CCDC91: variants seen among roughly 807,000 people sequenced by gnomAD.
CCDC91 encodes the protein coiled-coil domain containing 91.
In CCDC91, 48 loss-of-function variants were observed where a neutral mutation model predicts 63.2. The ratio of observed to expected loss-of-function variants is 0.76; its 90% CI spans 0.60 to 0.97. CCDC91 has a LOEUF of 0.97. CCDC91 is among the 50% of genes least tolerant of loss of function. The probability of loss-of-function intolerance (pLI) is 0.00; values close to 1 mark genes in which losing one functional copy is unlikely to be tolerated. For synonymous variants in CCDC91, 167 were observed against 165.8 expected, an observed-to-expected ratio of 1.01 and a Z score of -0.06; for missense variants, 500 against 494.6, an observed-to-expected ratio of 1.01 and a Z score of -0.10.
At chr12:28,205,347 C>T (rs868822918) in intron 1 of CCDC91, among the ~76,000 whole-genome samples, 5 of 149,090 alleles carry the variant, frequency 3.4e-5, no homozygotes, top group African/African-American at 4.9e-5. Context: ...ATATTAAGTA[C>T]AGAGGTAAAA....
chr12:28,449,746 A>G (rs1344021688), intron 8 of CCDC91, among the ~76,000 whole-genome samples: 1 of 151,988 alleles, frequency 6.6e-6, no homozygotes, highest in Admixed American at 6.5e-5. Flanking sequence ...CAAATAATCT[A>G]TGATGATAGT....
At chr12:28,501,594 C>T (rs1452985336) in intron 12 of CCDC91, among the ~76,000 whole-genome samples, 1 of 150,930 alleles carries the variant, frequency 6.6e-6, no homozygotes, top group Non-Finnish European at 1.5e-5. Flanking sequence ...TGATGTGCTG[C>T]TGGATTCAGT....
intron 8 of CCDC91, among the ~76,000 whole-genome samples, chr12:28,396,086 C>T (rs1257645912): frequency 6.6e-6 from 1 of 152,122 alleles, no homozygotes; most frequent in Admixed American, 6.5e-5. Context: ...TACAAAACTA[C>T]ATTCAAGGGC....
chr12:28,408,227 A>T (rs1420201057), intron 8 of CCDC91, among the ~76,000 whole-genome samples: 1 of 152,110 alleles, frequency 6.6e-6, no homozygotes, highest in Non-Finnish European at 1.5e-5. Flanking sequence ...GGGTGAGAAC[A>T]TGTGGTGTTT....
chr12:28,258,951 T>C (rs903593769), intron 2 of CCDC91, among the ~76,000 whole-genome samples: 1 of 152,074 alleles, frequency 6.6e-6, no homozygotes, highest in African/African-American at 2.4e-5. Flanking sequence ...TGAATTAATC[T>C]CTAATTGGGT....
intron 1 of CCDC91, among the ~76,000 whole-genome samples, chr12:28,217,399 G>A (rs375625545): frequency 1.5e-4 from 23 of 152,170 alleles, no homozygotes; most frequent in African/African-American, 3.6e-4. Context: ...GAAATTTTCC[G>A]AAACAGCAAT....
chr12:28,431,236 T>G (rs1948608783), intron 8 of CCDC91, among the ~76,000 whole-genome samples: 1 of 152,122 alleles, frequency 6.6e-6, no homozygotes, highest in African/African-American at 2.4e-5. Flanking sequence ...GTTTCCTATG[T>G]ATCTATTAAT....
intron 12 of CCDC91, among the ~76,000 whole-genome samples, chr12:28,539,163 T>C (rs1347212088): frequency 1.3e-5 from 2 of 152,218 alleles, no homozygotes; most frequent in Non-Finnish European, 2.9e-5. Flanking sequence ...TTTGGTGTTT[T>C]AGACATGAAG....
intron 1 of CCDC91, among the ~76,000 whole-genome samples, chr12:28,196,317 T>C (rs1403768180): frequency 6.7e-6 from 1 of 150,294 alleles, no homozygotes; most frequent in Non-Finnish European, 1.5e-5. Flanking sequence ...ATATTGATCT[T>C]GAATTTTTGA....
intron 7 of CCDC91, among the ~76,000 whole-genome samples, chr12:28,367,104 G>A (rs974912334): frequency 5.9e-5 from 9 of 152,118 alleles, no homozygotes; most frequent in African/African-American, 1.4e-4. Flanking sequence ...ATTTTGTCTT[G>A]AATGAAAACC....
chr12:28,502,042 T>C (rs555200343), intron 12 of CCDC91, among the ~76,000 whole-genome samples: 23 of 151,946 alleles, frequency 1.5e-4, no homozygotes, highest in Non-Finnish European at 2.8e-4. Flanking sequence ...TCTGTGGGAT[T>C]GGTGGTGATA....
chr12:28,402,587 C>CAAAA (rs34654808), intron 8 of CCDC91, among the ~76,000 whole-genome samples: 148 of 99,346 alleles, frequency 1.5e-3, no homozygotes, highest in African/African-American at 5.4e-3. Context: ...ATGTCATCTG[C>CAAAA]AAAAAAAAAA....
chr12:28,416,973 T>C (rs182974270), intron 8 of CCDC91, among the ~76,000 whole-genome samples: 4 of 152,226 alleles, frequency 2.6e-5, no homozygotes, highest in Non-Finnish European at 5.9e-5. Flanking sequence ...GCTTTGATGG[T>C]CTCTGGTTTC....
At chr12:28,271,344 A>T (rs1457236990) in intron 3 of CCDC91, among the ~76,000 whole-genome samples, 1 of 151,934 alleles carries the variant, frequency 6.6e-6, no homozygotes, top group Non-Finnish European at 1.5e-5. Flanking sequence ...ATTGTTTATT[A>T]TATTTTTCCT....
intron 1 of CCDC91, among the ~76,000 whole-genome samples, chr12:28,250,917 G>A (rs190627206): frequency 4.6e-5 from 7 of 151,364 alleles, no homozygotes; most frequent in Admixed American, 4.6e-4. Flanking sequence ...AATTAGCTCA[G>A]TCTTAATTGC....
At chr12:28,348,966 C>A (rs562507407) in intron 6 of CCDC91, among the ~76,000 whole-genome samples, 2 of 152,292 alleles carry the variant, frequency 1.3e-5, no homozygotes, top group Admixed American at 1.3e-4. Flanking sequence ...TCAAGCAATC[C>A]ACCCACCTTG....
chr12:28,260,892 C>T (rs1177092440), intron 3 of CCDC91, among the ~76,000 whole-genome samples: 1 of 151,930 alleles, frequency 6.6e-6, no homozygotes, highest in Non-Finnish European at 1.5e-5. Flanking sequence ...TGCTGTCATG[C>T]ATTTGTTTAT....
intron 6 of CCDC91, among the ~76,000 whole-genome samples, chr12:28,314,702 A>G (rs1433280906): frequency 4.6e-5 from 7 of 152,046 alleles, no homozygotes; most frequent in South Asian, 2.1e-4. Context: ...AGAAAGAGTA[A>G]TTAATAAATG....
chr12:28,508,729 G>A (rs1016010333), intron 12 of CCDC91, among the ~76,000 whole-genome samples: 8 of 151,820 alleles, frequency 5.3e-5, no homozygotes, highest in African/African-American at 1.9e-4. Flanking sequence ...CCAAGAGTCA[G>A]TACCTCTAAA....
Sources: gnomAD v4.1 joint callset for allele counts (sites outside exome capture counted in the v4.1 genomes callset) on GRCh38, gnomAD v4.1.1 for gene constraint, MANE v1.5 for transcripts, NCBI Gene and HGNC (gene_info 2026-07-23, HGNC 2026-07-21) for gene names.